Variants in ZW10 observed in about 807,000 individuals in gnomAD.
ZW10 encodes zw10 kinetochore protein.
Under a neutral mutation model 87.8 loss-of-function variants are expected in ZW10, and 53 were observed. The ratio of observed to expected loss-of-function variants is 0.60; its 90% CI spans 0.48 to 0.76. The LOEUF (loss-of-function observed/expected upper bound fraction) is 0.76. Ranked by LOEUF, ZW10 falls within the 30% of genes least tolerant of loss-of-function variation. ZW10 has a pLI of 0.00. For synonymous variants in ZW10, 312 were observed against 329.2 expected (o/e 0.95, Z 0.57); for missense variants, 837 against 923.0 (o/e 0.91, Z 1.21).
chr11:113,742,687 CTGATA>C (rs1445173127), intron 10 of ZW10, among the ~76,000 whole-genome samples: 2 of 152,182 alleles, frequency 1.3e-5, no homozygotes, highest in Non-Finnish European at 2.9e-5. Context: ...AACTTCTGGT[CTGATA>C]TATTTCAGGA....
intron 6 of ZW10, among the ~76,000 whole-genome samples, chr11:113,758,154 C>T (rs1953813810): frequency 6.7e-6 from 1 of 149,342 alleles, no homozygotes; most frequent in South Asian, 2.1e-4. Flanking sequence ...GCCTGGGCGA[C>T]AAAAGCGAAA....
chr11:113,737,828 T>C (rs1218331645), intron 13 of ZW10, 125 bp from the exon 14 acceptor site: 1 of 1,066,762 alleles, frequency 9.4e-7, no homozygotes, highest in Admixed American at 2.2e-5. Context: ...GTAAAGTAAC[T>C]AAGGACATAT....
chr11:113,737,340 T>A (rs1953564689), intron 14 of ZW10, among the ~76,000 whole-genome samples: 2 of 152,144 alleles, frequency 1.3e-5, no homozygotes, highest in South Asian at 2.1e-4. Context: ...GTTTCTAACT[T>A]CCTCATTTAT....
At chr11:113,743,096 T>C (rs912675752) in intron 10 of ZW10, among the ~76,000 whole-genome samples, 2 of 152,206 alleles carry the variant, frequency 1.3e-5, no homozygotes, top group African/African-American at 2.4e-5. Flanking sequence ...AAGAAGCTTA[T>C]TGAACAAAAA....
intron 1 of ZW10, among the ~76,000 whole-genome samples, chr11:113,769,288 G>A (rs1203810964): frequency 1.3e-5 from 2 of 150,546 alleles, no homozygotes; most frequent in East Asian, 1.9e-4. Context: ...AAACCCCAAC[G>A]GCGCCCAAGA....
intron 2 of ZW10, among the ~76,000 whole-genome samples, chr11:113,767,541 T>C (rs2134898505): frequency 6.6e-6 from 1 of 152,036 alleles, no homozygotes; most frequent in South Asian, 2.1e-4. Context: ...GTCACTACCC[T>C]TTTTTTTCCT....
In ZW10 at chr11:113,758,645, G is replaced by A. The variant is rs772697565; in HGVS notation, c.642C>T (p.His214=). The part of the protein sequence containing the change: ...TELHLYTEQS[H]KEEKTPMPPI... ...GTGGCATAGGGGTCTTCTCCTCTTT[G>A]TGCGATTGTTCAGTGTATAAATGAA... Residue 214 remains histidine, a synonymous_variant, in exon 6 of 16, where the codon CAC becomes CAT. Transcript: ENST00000200135. 1 of 1,613,966 alleles carries A rather than the reference G, an allele frequency of 6.2e-7. No individual in the cohort carries two copies. Among genetic ancestry groups the A allele is most frequent in the Non-Finnish European group, 8.5e-7 (1 of 1,179,996 alleles).
At chr11:113,772,800 C>A (rs1937651330) in intron 1 of ZW10, among the ~76,000 whole-genome samples, 1 of 145,924 alleles carries the variant, frequency 6.9e-6, no homozygotes, top group Non-Finnish European at 1.5e-5. Context: ...TGGTGAAACT[C>A]CGTCTGTACT....
chr11:113,739,649 T>A (rs1272052453), intron 11 of ZW10, among the ~76,000 whole-genome samples: 1 of 152,216 alleles, frequency 6.6e-6, no homozygotes, highest in Non-Finnish European at 1.5e-5. Context: ...AGTCAACTTT[T>A]TGCACTGAAA....
At chr11:113,743,403 A>G (rs1226745059) in intron 10 of ZW10, among the ~76,000 whole-genome samples, 1 of 152,226 alleles carries the variant, frequency 6.6e-6, no homozygotes, top group African/African-American at 2.4e-5. Flanking sequence ...AGTATTAATC[A>G]TTTTCCAGGT....
rs1379901209 is a variant in ZW10 at position 113,743,928 on chromosome 11, T to C, written c.1385A>G (p.Glu462Gly). ...NTQYHEVMNL[E>G]PENTLDQHSF... The stretch of plus-strand genomic sequence containing the variant: ...ATGTTGGTCCAATGTATTTTCAGGC[T>C]CTAAATTCATCACTTCGTGGTACTG... The change falls in exon 10 of 16, where the codon GAG becomes GGG. Residue 462 changes from glutamate (E) to glycine (G), a missense_variant. Coordinates refer to ENST00000200135, the MANE Select transcript of ZW10 (RefSeq NM_004724.4). The C allele has an allele frequency of 6.2e-7, 1 of 1,614,216 alleles. No homozygotes were observed. Among genetic ancestry groups the C allele is most frequent in the Admixed American group, 1.7e-5 (1 of 60,032 alleles).
Position 113,733,659 on chromosome 11 carries a change from C to T in ZW10, c.*35G>A, listed in dbSNP as rs1358716630. ...GTAATTATGCCAAGGGAAGAATCCA[C>T]ATATTCAAGACATAGCTTTCTTAAG... On this transcript the variant is annotated 3_prime_UTR_variant, in exon 16 of 16. Transcript: ENST00000200135. The T allele has an allele frequency of 1.2e-6, 2 of 1,613,074 alleles. No homozygotes were observed. The highest frequency in any genetic ancestry group is 1.7e-6 in the Non-Finnish European group (2 of 1,179,896).
chr11:113,747,682 G>A lies in ZW10; in HGVS notation c.1121C>T (p.Ala374Val), dbSNP rs753284943. 1.9e-6 allele frequency: 3 copies of A among 1,611,106 alleles called. No individual in the cohort carries two copies. Among genetic ancestry groups the A allele is most frequent in the South Asian group, 2.2e-5 (2 of 90,738 alleles). ...TTTTAAAAATCTCATTTCCTTTAGGGCATTTTCAAATTCTTCAGTGGACTG... is the reference window on the plus strand; with the variant it reads ...TTTTAAAAATCTCATTTCCTTTAGGACATTTTCAAATTCTTCAGTGGACTG... The part of the protein sequence containing the change: ...IIQSTEEFEN[A>V]LKEMRFLKGD... Residue 374 changes from alanine (A) to valine (V), a missense_variant, in exon 9 of 16, where the codon GCC becomes GTC. Coordinates refer to ENST00000200135, the MANE Select transcript of ZW10 (RefSeq NM_004724.4).
In ZW10 at chr11:113,738,304, T is replaced by A. The variant is rs1480301040; in HGVS notation, c.1844A>T (p.Asp615Val). 2 of 1,613,164 alleles carry A rather than the reference T, an allele frequency of 1.2e-6. No homozygotes were observed. Among genetic ancestry groups the A allele is most frequent in the Non-Finnish European group, 1.7e-6 (2 of 1,179,648 alleles). The change falls in exon 13 of 16, where the codon GAT becomes GTT. Residue 615 changes from aspartate to valine, a missense_variant. Asp to Val is a radical substitution (Grantham distance 152). Coordinates refer to ENST00000200135, the MANE Select transcript of ZW10 (RefSeq NM_004724.4). ...SSARNFSNMDDEENYSAASKA... is the reference protein window; with the variant it reads ...SSARNFSNMDVEENYSAASKA... ...ACTTGCTGCAGAATAATTCTCTTCA[T>A]CGTCCATATTTGAAAAGTTCCTAGC... is the stretch of plus-strand genomic sequence containing the variant.
chr11:113,757,260 A>ATTT (rs1293416698), intron 7 of ZW10, among the ~76,000 whole-genome samples: 21 of 152,382 alleles, frequency 1.4e-4, no homozygotes, highest in Non-Finnish European at 2.5e-4. Flanking sequence ...TCCTATGTTA[A>ATTT]ACTAAGTTTG....
At chr11:113,772,426 G>C (rs998976992) in intron 1 of ZW10, among the ~76,000 whole-genome samples, 1 of 152,130 alleles carries the variant, frequency 6.6e-6, no homozygotes. Flanking sequence ...TGTTAGGAAG[G>C]GTTATACCTG....
chr11:113,742,097 C>A (rs973671292), intron 10 of ZW10, among the ~76,000 whole-genome samples: 12 of 152,204 alleles, frequency 7.9e-5, no homozygotes, highest in African/African-American at 2.4e-4. Flanking sequence ...AAGCCTCAAG[C>A]AAATGTCACC....
intron 7 of ZW10, among the ~76,000 whole-genome samples, chr11:113,753,092 C>T (rs188969305): frequency 1.3e-4 from 20 of 151,966 alleles, no homozygotes; most frequent in African/African-American, 3.1e-4. Flanking sequence ...ACTTGTGTCA[C>T]GGGGGTTTGT....
In ZW10 at chr11:113,768,851, T is replaced by C; in HGVS notation, c.222A>G (p.Lys74=). Residue 74 remains lysine, a synonymous_variant, in exon 2 of 16, where the codon AAA becomes AAG. Transcript: ENST00000200135. ...TCCTTACCTCACTCTCTATCCTGGATTTCAGCAGGTCAATGTCTTCAGATA... is the reference window on the plus strand; with the variant it reads ...TCCTTACCTCACTCTCTATCCTGGACTTCAGCAGGTCAATGTCTTCAGATA... ...DKLSEDIDLL[K]SRIESEVRRD... is the part of the protein sequence containing the mutation. 6.2e-7 allele frequency: 1 copy of C among 1,614,116 alleles called. No homozygotes were observed. The highest frequency in any genetic ancestry group is 8.5e-7 in the Non-Finnish European group (1 of 1,180,008).
Sources: gnomAD v4.1 joint callset for allele counts (sites outside exome capture counted in the v4.1 genomes callset) on GRCh38, gnomAD v4.1.1 for gene constraint, MANE v1.5 for transcripts, NCBI Gene and HGNC (gene_info 2026-07-23, HGNC 2026-07-21) for gene names.